PTPRQ: variants seen among roughly 807,000 people sequenced by gnomAD.
PTPRQ encodes the protein phosphatidylinositol phosphatase PTPRQ.
PTPRQ carries 199 observed loss-of-function variants against 246.0 expected under a neutral mutation model. That is an observed-to-expected ratio of 0.81 (90% confidence interval 0.72 to 0.91). The LOEUF is 0.91. Ranked by LOEUF, PTPRQ falls within the 40% of genes least tolerant of loss-of-function variation. The pLI is 0.00. For synonymous variants in PTPRQ, 869 were observed against 853.2 expected, an observed-to-expected ratio of 1.02 and a Z score of -0.32; for missense variants, 2,624 against 2,528.4, an observed-to-expected ratio of 1.04 and a Z score of -0.81.
intron 38 of PTPRQ, among the ~76,000 whole-genome samples, chr12:80,656,436 C>T (rs1441084578): frequency 6.6e-6 from 1 of 152,074 alleles, no homozygotes; most frequent in Non-Finnish European, 1.5e-5. Flanking sequence ...GTAGGCAGAT[C>T]ATCTAGAATT....
rs867003041 is a variant in PTPRQ at position 80,673,205 on chromosome 12, G to C, written c.6639G>C (p.Leu2213=). 6.4e-7 allele frequency: 1 copy of C among 1,550,824 alleles called. No individual in the cohort carries two copies. The highest frequency in any genetic ancestry group is 1.7e-4 in the Middle Eastern group (1 of 5,984). Residue 2213 remains leucine, a synonymous_variant, in exon 43 of 45, where the codon CTG becomes CTC. Transcript: ENST00000644991. The stretch of plus-strand genomic sequence containing the variant: ...GAAGAACTGGAGTTTTTATTGCTCT[G>C]GACCATTTAACACAACATATAAATG... The part of the protein sequence containing the change: ...GVGRTGVFIA[L]DHLTQHINDH...
At chr12:80,515,037 C>G (rs1396949942) in intron 17 of PTPRQ, among the ~76,000 whole-genome samples, 3 of 138,548 alleles carry the variant, frequency 2.2e-5, no homozygotes, top group African/African-American at 7.8e-5. Flanking sequence ...TATTAACATA[C>G]TTTAGTGTCT....
rs548614533 is a variant in PTPRQ at position 80,658,290 on chromosome 12, C to T, written c.6192+229C>T. On this transcript the variant is annotated intron_variant, in intron 39 of 44. Coordinates refer to ENST00000644991, the MANE Select transcript of PTPRQ (RefSeq NM_001145026.2). ...ATTTCACCAGTGCGCGGCAGATGTT[C>T]AACTTCAGGCTACACATCCCTGATC... 2.6e-4 allele frequency among the ~76,000 whole-genome samples: 39 copies of T among 152,142 alleles called. 1 individual carries two copies. Among genetic ancestry groups the T allele is most frequent in the Admixed American group, 7.2e-4 (11 of 15,248 alleles).
In PTPRQ at chr12:80,619,552, C is replaced by T. The variant is rs1898897171; in HGVS notation, c.5389+10C>T. ...GTGACAGAAACAGGAGGTATCATCACATGTCAATTTATCTTGTTAAATTGT... is the reference window on the plus strand; with the variant it reads ...GTGACAGAAACAGGAGGTATCATCATATGTCAATTTATCTTGTTAAATTGT... On this transcript the variant is annotated intron_variant, in intron 31 of 44. Coordinates refer to ENST00000644991, the MANE Select transcript of PTPRQ (RefSeq NM_001145026.2). The T allele has an allele frequency of 1.3e-6, 2 of 1,506,776 alleles. No individual in the cohort carries two copies. Among genetic ancestry groups the T allele is most frequent in the South Asian group, 1.3e-5 (1 of 75,410 alleles). The allele number at this position is 1,506,776 out of a possible 1,614,324, so 93.3% of individuals were successfully genotyped here. A position where few individuals can be genotyped will look rare whatever the true frequency, so the allele number is the denominator to read the frequency against.
Position 80,679,034 on chromosome 12 carries a change from C to T in PTPRQ, c.*11C>T, listed in dbSNP as rs1005627936. The T allele has an allele frequency of 6.5e-7, 1 of 1,543,766 alleles. No individual in the cohort carries two copies. The highest frequency in any genetic ancestry group is 8.7e-7 in the Non-Finnish European group (1 of 1,143,864). ...GAAACCACTATGTAAATATTCAGAC[C>T]AAAGGATACAATTGGAAGAGATTTT... On this transcript the variant is annotated 3_prime_UTR_variant, in exon 45 of 45. Transcript: ENST00000644991.
At chr12:80,618,359 TTCAC>T (rs1463205214) in intron 30 of PTPRQ, among the ~76,000 whole-genome samples, 1 of 100,092 alleles carries the variant, frequency 1.0e-5, no homozygotes, top group Non-Finnish European at 2.0e-5. Context: ...AAGCACTACA[TTCAC>T]ACACACACAC....
intron 28 of PTPRQ, 61 bp from the exon 29 acceptor site, chr12:80,613,531 A>G: frequency 7.1e-7 from 1 of 1,413,106 alleles, no homozygotes; most frequent in Non-Finnish European, 9.4e-7. Context: ...AAATAAATTT[A>G]TGTGGAGATA....
At chr12:80,622,002 A>G in intron 32 of PTPRQ, 59 bp from the exon 33 acceptor site, 1 of 1,108,558 alleles carries the variant, frequency 9.0e-7, no homozygotes, top group Non-Finnish European at 1.2e-6. Context: ...TTCTTGAGTT[A>G]TTCATAGGAA....
intron 17 of PTPRQ, among the ~76,000 whole-genome samples, chr12:80,512,282 C>T (rs1357708967): frequency 6.6e-6 from 1 of 152,170 alleles, no homozygotes; most frequent in Non-Finnish European, 1.5e-5. Context: ...TTCTTCTATA[C>T]AGTGATCATG....
intron 37 of PTPRQ, among the ~76,000 whole-genome samples, chr12:80,650,874 A>G (rs1900235016): frequency 6.6e-6 from 1 of 152,112 alleles, no homozygotes; most frequent in East Asian, 1.9e-4. Context: ...TTTGAAGACC[A>G]TAGTTTGAAG....
chr12:80,472,847 T>C (rs1352532439), intron 8 of PTPRQ, among the ~76,000 whole-genome samples: 1 of 152,178 alleles, frequency 6.6e-6, no homozygotes, highest in African/African-American at 2.4e-5. Flanking sequence ...TTTCACAACA[T>C]ATCTTTCAGG....
chr12:80,576,391 C>T (rs2120976567), intron 25 of PTPRQ, among the ~76,000 whole-genome samples: 1 of 152,220 alleles, frequency 6.6e-6, no homozygotes, highest in Non-Finnish European at 1.5e-5. Context: ...ATCTTCCTGC[C>T]CTGCCTCCCA....
chr12:80,634,011 C>T (rs1467245495), intron 34 of PTPRQ, among the ~76,000 whole-genome samples: 2 of 152,110 alleles, frequency 1.3e-5, no homozygotes, highest in Admixed American at 6.5e-5. Flanking sequence ...AATGTGCTTC[C>T]TCCTCCTTCT....
intron 27 of PTPRQ, among the ~76,000 whole-genome samples, chr12:80,606,003 A>T (rs1170497234): frequency 6.6e-6 from 1 of 151,194 alleles, no homozygotes; most frequent in Non-Finnish European, 1.5e-5. Flanking sequence ...AGAACGAATG[A>T]AAAATAATCT....
At chr12:80,558,809 GT>G (rs1896741340) in intron 25 of PTPRQ, among the ~76,000 whole-genome samples, 1 of 152,078 alleles carries the variant, frequency 6.6e-6, no homozygotes, top group African/African-American at 2.4e-5. Flanking sequence ...CTGGTTTTGT[GT>G]TTCCCTGATG....
intron 26 of PTPRQ, among the ~76,000 whole-genome samples, chr12:80,596,421 GTT>G (rs201475354): frequency 6.6e-6 from 1 of 150,848 alleles, no homozygotes; most frequent in East Asian, 2.0e-4. Context: ...GATTATCACT[GTT>G]TTTTTTTAAA....
intron 6 of PTPRQ, among the ~76,000 whole-genome samples, chr12:80,466,010 A>C (rs2120513707): frequency 6.6e-6 from 1 of 152,316 alleles, no homozygotes; most frequent in South Asian, 2.1e-4. Flanking sequence ...GGCCAGGGCA[A>C]TTAGGCAGGA....
chr12:80,634,751 GAAAGT>G, intron 34 of PTPRQ, 189 bp from the exon 35 acceptor site: 1 of 734,878 alleles, frequency 1.4e-6, no homozygotes, highest in Non-Finnish European at 1.9e-6. Flanking sequence ...AGAAAAAAAA[GAAAGT>G]AGAATAGGTT....
At chr12:80,629,152 GCACACACACA>G (rs35680769) in intron 33 of PTPRQ, among the ~76,000 whole-genome samples, 1 of 146,104 alleles carries the variant, frequency 6.8e-6, no homozygotes, top group Non-Finnish European at 1.5e-5. Flanking sequence ...GGAGTGAGTG[GCACACACACA>G]CACACACACA....
Sources: gnomAD v4.1 joint callset for allele counts (sites outside exome capture counted in the v4.1 genomes callset) on GRCh38, gnomAD v4.1.1 for gene constraint, MANE v1.5 for transcripts, NCBI Gene and HGNC (gene_info 2026-07-23, HGNC 2026-07-21) for gene names.